The following FOXN3 variants were observed in gnomAD, a reference collection of about 807,000 sequenced individuals.
The protein encoded by FOXN3 is forkhead box N3, also known as forkhead box protein N3.
Under a neutral mutation model 38.4 loss-of-function variants are expected in FOXN3, and 7 were observed. That is an observed-to-expected ratio of 0.18 (90% confidence interval 0.10 to 0.34). FOXN3 has a LOEUF of 0.34. FOXN3 is among the 10% of genes least tolerant of loss of function. The pLI is 1.00. For synonymous variants in FOXN3, 230 were observed against 242.2 expected (o/e 0.95, Z 0.47); for missense variants, 456 against 613.4 (o/e 0.74, Z 2.71).
At chr14:89,389,357 C>T (rs1441586640) in intron 2 of FOXN3, among the ~76,000 whole-genome samples, 1 of 152,104 alleles carries the variant, frequency 6.6e-6, no homozygotes, top group Non-Finnish European at 1.5e-5. Flanking sequence ...ATGTCTCAGA[C>T]TCAAGCATCC....
At chr14:89,257,004 C>A (rs1885644431) in intron 4 of FOXN3, among the ~76,000 whole-genome samples, 2 of 152,202 alleles carry the variant, frequency 1.3e-5, no homozygotes, top group South Asian at 2.1e-4. Flanking sequence ...TGCAGGTCAG[C>A]TAGTAGGAAA....
At chr14:89,428,721 T>C (rs537303691) in intron 1 of FOXN3, among the ~76,000 whole-genome samples, 2 of 152,296 alleles carry the variant, frequency 1.3e-5, no homozygotes, top group African/African-American at 4.8e-5. Context: ...TGAGTGCCTG[T>C]TGCTCGCAGC....
rs149211514 is a variant in FOXN3 at position 89,440,001 on chromosome 14, G to A, written c.-14-27511C>T. 2.4e-3 allele frequency among the ~76,000 whole-genome samples: 361 copies of A among 152,090 alleles called. 1 individual carries two copies. Among genetic ancestry groups the A allele is most frequent in the Middle Eastern group, 6.8e-3 (2 of 294 alleles). ...TGCTTTCACTTTACTCTATGGACTC[G>A]CCTTGAATTATTTCTTGTGCCAGAT... On this transcript the variant is annotated intron_variant, in intron 1 of 6. Coordinates refer to the FOXN3 transcript ENST00000345097.
At chr14:89,206,156 G>A (rs573637680) in intron 4 of FOXN3, among the ~76,000 whole-genome samples, 5 of 152,264 alleles carry the variant, frequency 3.3e-5, no homozygotes, top group Non-Finnish European at 5.9e-5. Flanking sequence ...CCCATTTTGA[G>A]GTATTTTATT....
chr14:89,228,956 G>A (rs116522391), intron 4 of FOXN3, among the ~76,000 whole-genome samples: 4,516 of 152,208 alleles, frequency 0.03, 82 homozygotes, highest in African/African-American at 0.047. Flanking sequence ...TTCCCCTCCC[G>A]CCTCTTTCCA....
chr14:89,325,370 C>T (rs1305110630), intron 3 of FOXN3, among the ~76,000 whole-genome samples: 29 of 149,528 alleles, frequency 1.9e-4, no homozygotes, highest in African/African-American at 6.4e-4. Context: ...ACTACCACCA[C>T]CGCCACCACC....
chr14:89,565,958 G>A (rs576396191), intron 1 of FOXN3, among the ~76,000 whole-genome samples: 6 of 152,242 alleles, frequency 3.9e-5, no homozygotes, highest in East Asian at 1.9e-4. Flanking sequence ...ATTTCGCCCC[G>A]GAAATATAAA....
intron 4 of FOXN3, among the ~76,000 whole-genome samples, chr14:89,233,769 G>C (rs974124693): frequency 6.6e-6 from 1 of 152,212 alleles, no homozygotes; most frequent in Non-Finnish European, 1.5e-5. Context: ...CTAGCAGAGT[G>C]ACCTCGGGTA....
intron 1 of FOXN3, among the ~76,000 whole-genome samples, chr14:89,607,001 G>A (rs1196622568): frequency 3.3e-5 from 5 of 152,102 alleles, no homozygotes; most frequent in African/African-American, 1.2e-4. Flanking sequence ...CATAAGATGC[G>A]TAAGCTTATT....
intron 3 of FOXN3, among the ~76,000 whole-genome samples, chr14:89,330,819 C>T (rs942329298): frequency 6.6e-6 from 1 of 152,166 alleles, no homozygotes; most frequent in African/African-American, 2.4e-5. Context: ...CCAGGGATTC[C>T]AGAATCAAGG....
chr14:89,337,654 G>A (rs1236104693), intron 3 of FOXN3, among the ~76,000 whole-genome samples: 6 of 146,978 alleles, frequency 4.1e-5, no homozygotes, highest in East Asian at 2.0e-4. Flanking sequence ...TTTTTGAGAC[G>A]GAGTCTTGCT....
At chr14:89,320,896 C>T (rs1377879952) in intron 3 of FOXN3, among the ~76,000 whole-genome samples, 3 of 152,116 alleles carry the variant, frequency 2.0e-5, no homozygotes, top group Non-Finnish European at 4.4e-5. Context: ...CATGGCTGCG[C>T]GATTCTCACC....
chr14:89,580,751 T>G (rs1013885768), intron 1 of FOXN3, among the ~76,000 whole-genome samples: 2 of 152,228 alleles, frequency 1.3e-5, no homozygotes, highest in Non-Finnish European at 2.9e-5. Flanking sequence ...ATGACATTAC[T>G]TTATTTCTTC....
intron 3 of FOXN3, among the ~76,000 whole-genome samples, chr14:89,302,688 G>A (rs1596167381): frequency 6.6e-6 from 1 of 152,146 alleles, no homozygotes; most frequent in Non-Finnish European, 1.5e-5. Context: ...TGGCCTGAAA[G>A]CTCCTGAAGG....
intron 3 of FOXN3, among the ~76,000 whole-genome samples, chr14:89,281,646 T>C (rs1886463857): frequency 6.6e-6 from 1 of 152,126 alleles, no homozygotes; most frequent in Non-Finnish European, 1.5e-5. Context: ...ATAGGAGAGA[T>C]CAATATATCA....
intron 1 of FOXN3, among the ~76,000 whole-genome samples, chr14:89,444,476 A>G (rs1183332614): frequency 1.7e-5 from 2 of 116,634 alleles, no homozygotes; most frequent in Non-Finnish European, 3.6e-5. Flanking sequence ...TCACTCTTTC[A>G]AGAGGTATAG....
intron 3 of FOXN3, among the ~76,000 whole-genome samples, chr14:89,285,112 A>C (rs757829272): frequency 2.1e-4 from 32 of 152,144 alleles, no homozygotes; most frequent in Admixed American, 3.3e-4. Flanking sequence ...AGGTTCCGCC[A>C]AGACACACAC....
At chr14:89,178,325 C>T (rs1327063030) in intron 5 of FOXN3, among the ~76,000 whole-genome samples, 1 of 152,102 alleles carries the variant, frequency 6.6e-6, no homozygotes, top group Non-Finnish European at 1.5e-5. Context: ...AATTTTTAAA[C>T]TTTTTGTAGA....
chr14:89,333,113 C>T (rs1888300412), intron 3 of FOXN3: 1 of 155,242 alleles, frequency 6.4e-6, no homozygotes, highest in African/African-American at 2.4e-5. Flanking sequence ...AACTCTAATA[C>T]CTTGTTGGTG....
Sources: gnomAD v4.1 joint callset for allele counts (sites outside exome capture counted in the v4.1 genomes callset) on GRCh38, gnomAD v4.1.1 for gene constraint, MANE v1.5 for transcripts, NCBI Gene and HGNC (gene_info 2026-07-23, HGNC 2026-07-21) for gene names.